The following MTUS1 variants were observed in gnomAD, a reference collection of about 807,000 sequenced individuals.
MTUS1 encodes microtubule-associated tumor suppressor 1.
MTUS1 carries 109 observed loss-of-function variants against 120.8 expected under a neutral mutation model. That is an observed-to-expected ratio of 0.90 (90% CI 0.77 to 1.06). The LOEUF is 1.06. Ranked by LOEUF, MTUS1 falls within the 50% of genes least tolerant of loss-of-function variation. The pLI, the probability that MTUS1 is intolerant of heterozygous loss-of-function variation, is 0.00. For missense variants in MTUS1, 2,210 were observed against 1,486.3 expected (o/e 1.49, Z -8.01); for synonymous variants, 737 against 550.5 (o/e 1.34, Z -4.74).
intron 8 of MTUS1, chr8:17,674,688 C>A (rs564237863): frequency 3.0e-6 from 3 of 987,240 alleles, no homozygotes; most frequent in Middle Eastern, 5.1e-4. Context: ...AACCATCAGC[C>A]CCCCTCCAAA....
intron 2 of MTUS1, among the ~76,000 whole-genome samples, chr8:17,751,099 T>C (rs1017617917): frequency 9.2e-5 from 14 of 151,692 alleles, no homozygotes; most frequent in Admixed American, 2.6e-4. Flanking sequence ...GGCGGATCAC[T>C]TGAGGTCAGG....
intron 1 of MTUS1, among the ~76,000 whole-genome samples, chr8:17,765,397 G>C (rs919512821): frequency 1.3e-5 from 2 of 152,098 alleles, no homozygotes; most frequent in Admixed American, 6.5e-5. Flanking sequence ...GGGAGGCCGA[G>C]GCAGGCAGAT....
chr8:17,754,343 G>A lies in MTUS1; in HGVS notation c.1465C>T (p.Pro489Ser), dbSNP rs767364857. 2 of 1,614,004 alleles carry A rather than the reference G, an allele frequency of 1.2e-6. No homozygotes were observed. The highest frequency in any genetic ancestry group is 8.5e-7 in the Non-Finnish European group (1 of 1,179,990). ...GTTTTTCTAACTTTGCAGCCTATTG[G>A]GGTATTCGTTTTGATTGTTGATTTT... ...LGKSTIKTNT[P>S]IGCKVRKTEI... Residue 489 changes from proline (P) to serine (S), a missense_variant, in exon 2 of 15, where the codon CCA becomes TCA. Coordinates refer to ENST00000693296, the MANE Select transcript of MTUS1 (RefSeq NM_001363059.2).
rs536203047 is a variant in MTUS1, at chr8:17,644,057, G to C, written c.*1869C>G. 6.6e-6 allele frequency: 1 copy of C among 152,284 alleles called. No homozygotes were observed. The highest frequency in any genetic ancestry group is 2.1e-4 in the South Asian group (1 of 4,826). The allele number at this position is 152,284 out of a possible 1,614,324, so 9.4% of individuals were successfully genotyped here. On this transcript the variant is annotated 3_prime_UTR_variant, in exon 15 of 15. Transcript: ENST00000693296. ...ATTTATTTGCCGGTCACGTAATACG[G>C]AGGACAGCAGGGAACAACACAAGAT...
chr8:17,651,460 A>G (rs1477777956), intron 12 of MTUS1: 1 of 152,136 alleles, frequency 6.6e-6, no homozygotes, highest in Non-Finnish European at 1.5e-5. Context: ...CCCCATAAGT[A>G]CATGCAAATA....
chr8:17,793,384 G>T (rs886385519), intron 1 of MTUS1, among the ~76,000 whole-genome samples: 2 of 152,040 alleles, frequency 1.3e-5, no homozygotes, highest in African/African-American at 4.8e-5. Context: ...TGGATGAGGG[G>T]GTGAGGGCAA....
chr8:17,694,428 G>T (rs1031487638), intron 6 of MTUS1, among the ~76,000 whole-genome samples: 3 of 152,208 alleles, frequency 2.0e-5, no homozygotes, highest in African/African-American at 7.2e-5. Flanking sequence ...CACTTTGGGA[G>T]GCTGAGGCAG....
chr8:17,766,885 ATATTT>A (rs1210556950), intron 1 of MTUS1, among the ~76,000 whole-genome samples: 1 of 152,210 alleles, frequency 6.6e-6, no homozygotes, highest in Non-Finnish European at 1.5e-5. Flanking sequence ...TCTTTTAATC[ATATTT>A]TAAAGTATGA....
chr8:17,721,087 C>T (rs898862268), intron 4 of MTUS1, among the ~76,000 whole-genome samples: 1 of 152,082 alleles, frequency 6.6e-6, no homozygotes, highest in Admixed American at 6.5e-5. Flanking sequence ...TTAAATGATG[C>T]CACTAAAGAT....
At chr8:17,796,678 A>G (rs2052270271) in intron 1 of MTUS1, among the ~76,000 whole-genome samples, 1 of 152,248 alleles carries the variant, frequency 6.6e-6, no homozygotes, top group Non-Finnish European at 1.5e-5. Flanking sequence ...AGAAAAAGTC[A>G]TGATTAATGT....
At chr8:17,692,994 A>T (rs993860465) in intron 6 of MTUS1, among the ~76,000 whole-genome samples, 2 of 152,198 alleles carry the variant, frequency 1.3e-5, no homozygotes, top group African/African-American at 4.8e-5. Context: ...AGCAGAAAGA[A>T]TTCTGTCTTT....
At chr8:17,793,265 A>C (rs965782194) in intron 1 of MTUS1, among the ~76,000 whole-genome samples, 7 of 152,294 alleles carry the variant, frequency 4.6e-5, no homozygotes, top group African/African-American at 1.7e-4. Flanking sequence ...AGCATCAGGA[A>C]ACTTGGCACC....
At chr8:17,733,966 C>G (rs895612092) in intron 3 of MTUS1, among the ~76,000 whole-genome samples, 1 of 152,166 alleles carries the variant, frequency 6.6e-6, no homozygotes, top group Non-Finnish European at 1.5e-5. Context: ...GAGTGTAACT[C>G]TATTACATTA....
intron 6 of MTUS1, among the ~76,000 whole-genome samples, chr8:17,705,445 G>A (rs933932424): frequency 1.3e-5 from 2 of 152,144 alleles, no homozygotes; most frequent in African/African-American, 4.8e-5. Flanking sequence ...GTATATATGT[G>A]AAAAAGATCT....
At chr8:17,709,471 C>G (rs1057320118) in intron 6 of MTUS1, among the ~76,000 whole-genome samples, 1 of 152,080 alleles carries the variant, frequency 6.6e-6, no homozygotes, top group African/African-American at 2.4e-5. Flanking sequence ...TCTCCAGAGA[C>G]AAGGCCCCTG....
intron 7 of MTUS1, among the ~76,000 whole-genome samples, chr8:17,682,472 C>T (rs937771387): frequency 7.0e-6 from 1 of 142,774 alleles, no homozygotes; most frequent in African/African-American, 2.7e-5. Flanking sequence ...GAGCCCAGAT[C>T]ACGCCATTGC....
At chr8:17,762,477 A>T (rs1003500118) in intron 1 of MTUS1, among the ~76,000 whole-genome samples, 2 of 152,154 alleles carry the variant, frequency 1.3e-5, no homozygotes, top group Admixed American at 1.3e-4. Context: ...CTTGCAGCCT[A>T]CCTTTCATCA....
rs747163916 is a variant in MTUS1 at position 17,655,971 on chromosome 8, T to A, written c.3000A>T (p.Lys1000Asn). 6 of 1,614,236 alleles carry A rather than the reference T, an allele frequency of 3.7e-6. No homozygotes were observed. In the South Asian group the frequency reaches 6.6e-5, roughly 18 times the overall value. The stretch of plus-strand genomic sequence containing the variant: ...CTTTAAGCCGATTCTCTCGTTCTGT[T>A]TTTTCAGCCTGGTGCTGCTGGACGA... ...EAFVQQHQAEKTERENRLKEF... is the reference protein window; with the variant it reads ...EAFVQQHQAENTERENRLKEF... Residue 1000 changes from lysine (K) to asparagine (N), a missense_variant, in exon 9 of 15, where the codon AAA becomes AAT. Lys to Asn is a moderately conservative substitution (Grantham distance 94, BLOSUM62 0). Coordinates refer to ENST00000693296, the MANE Select transcript of MTUS1 (RefSeq NM_001363059.2).
chr8:17,713,194 T>A lies in MTUS1; in HGVS notation c.2623+20A>T. 6.3e-7 allele frequency: 1 copy of A among 1,578,700 alleles called. No individual in the cohort carries two copies. Among genetic ancestry groups the A allele is most frequent in the Non-Finnish European group, 8.7e-7 (1 of 1,152,254 alleles). ...TACAAAAAGATTCTTTTTATCGCCA[T>A]CCATAAAGTGGTCACTCACCTGCAT... On this transcript the variant is annotated intron_variant, in intron 6 of 14. Coordinates refer to ENST00000693296, the MANE Select transcript of MTUS1 (RefSeq NM_001363059.2).
Sources: allele counts gnomAD v4.1 joint callset (sites outside exome capture counted in the v4.1 genomes callset), GRCh38; gene constraint gnomAD v4.1.1; transcripts MANE v1.5; gene names NCBI Gene and HGNC (gene_info 2026-07-23, HGNC 2026-07-21).